Variants in SEC63 observed in about 807,000 individuals in gnomAD.
The protein encoded by SEC63 is translocation protein SEC63 homolog.
In SEC63, 56 loss-of-function variants were observed where a neutral mutation model predicts 116.2. The observed-to-expected ratio is 0.48, with a 90% confidence interval of 0.39 to 0.60. SEC63 has a LOEUF of 0.60. SEC63 is among the 20% of genes least tolerant of loss of function. SEC63 has a pLI of 0.00. For synonymous variants in SEC63, 273 were observed against 294.6 expected (o/e 0.93, Z 0.75); for missense variants, 668 against 900.0 (o/e 0.74, Z 3.30).
chr6:107,882,867 C>T (rs1786442838), intron 17 of SEC63, 121 bp downstream of exon 17: 2 of 647,210 alleles, frequency 3.1e-6, no homozygotes, highest in Non-Finnish European at 5.4e-6. Flanking sequence ...ATAAAATATA[C>T]AGATATTATT....
intron 1 of SEC63, among the ~76,000 whole-genome samples, chr6:107,943,131 C>T (rs1770412324): frequency 6.6e-6 from 1 of 152,194 alleles, no homozygotes; most frequent in African/African-American, 2.4e-5. Flanking sequence ...AGATGATTAG[C>T]GTCACACGAT....
In SEC63 at chr6:107,869,660, G is replaced by A. The variant is rs1304488238; in HGVS notation, c.*2044C>T. ...CTTTCACTACTGCCATATGGAAAGAGGTTACCTAAAGCACTCACTAGAGGA... is the reference window on the plus strand; with the variant it reads ...CTTTCACTACTGCCATATGGAAAGAAGTTACCTAAAGCACTCACTAGAGGA... On this transcript the variant is annotated 3_prime_UTR_variant, in exon 21 of 21. Transcript: ENST00000369002. 1 of 152,108 alleles carries A rather than the reference G, an allele frequency of 6.6e-6. No homozygotes were observed. Among genetic ancestry groups the A allele is most frequent in the Non-Finnish European group, 1.5e-5 (1 of 68,014 alleles). The allele number at this position is 152,108 out of a possible 1,614,324, so 9.4% of individuals were successfully genotyped here.
At chr6:107,926,945 A>G (rs894842190) in intron 2 of SEC63, among the ~76,000 whole-genome samples, 1 of 152,218 alleles carries the variant, frequency 6.6e-6, no homozygotes, top group East Asian at 1.9e-4. Flanking sequence ...AAGCAAAGAT[A>G]GAAACATAAC....
At position 107,871,766 on chromosome 6, in the gene SEC63, C is replaced by T. The variant is rs1363662689; in HGVS notation, c.2221G>A (p.Asp741Asn). 1.2e-6 allele frequency: 2 copies of T among 1,613,748 alleles called. No homozygotes were observed. The highest frequency in any genetic ancestry group is 1.7e-5 in the Admixed American group (1 of 60,018). Reference protein sequence around the residue: ...TAIEGDEDQEDSEGFEDSFEE... With the variant: ...TAIEGDEDQENSEGFEDSFEE... Reference sequence around the variant, plus strand: ...AAGCTATCTTCAAAGCCCTCACTGTCCTCCTGGTCTTCATCCCCCTCTATT... The same window carrying T: ...AAGCTATCTTCAAAGCCCTCACTGTTCTCCTGGTCTTCATCCCCCTCTATT... Residue 741 changes from aspartate (D) to asparagine (N), a missense_variant, in exon 21 of 21, where the codon GAC becomes AAC. By Grantham distance (23) the Asp-to-Asn change is conservative (BLOSUM62 1). Transcript: ENST00000369002.
At chr6:107,884,883 A>T (rs1786493304) in intron 16 of SEC63, among the ~76,000 whole-genome samples, 1 of 151,884 alleles carries the variant, frequency 6.6e-6, no homozygotes, top group African/African-American at 2.4e-5. Flanking sequence ...GATGGTTTCA[A>T]ATTTTTTAAA....
At chr6:107,935,572 T>G (rs558626090) in intron 1 of SEC63, among the ~76,000 whole-genome samples, 1 of 134,662 alleles carries the variant, frequency 7.4e-6, no homozygotes, top group South Asian at 2.6e-4. Flanking sequence ...TGTGCTTTGT[T>G]AAACAGATGC....
intron 16 of SEC63, among the ~76,000 whole-genome samples, chr6:107,893,162 AACT>A (rs1226399622): frequency 3.3e-5 from 5 of 151,706 alleles, no homozygotes; most frequent in Non-Finnish European, 5.9e-5. Flanking sequence ...ACACAGAATG[AACT>A]ACTGCTACAA....
chr6:107,887,017 G>C (rs1235328419), intron 16 of SEC63, among the ~76,000 whole-genome samples: 1 of 152,132 alleles, frequency 6.6e-6, no homozygotes, highest in Non-Finnish European at 1.5e-5. Flanking sequence ...ATGGTTTTAA[G>C]TCTTAAGTCT....
At chr6:107,897,767 A>G in intron 13 of SEC63, 36 bp from the exon 14 acceptor site, 2 of 1,419,006 alleles carry the variant, frequency 1.4e-6, no homozygotes, top group Non-Finnish European at 2.0e-6. Context: ...GCAAAAAATA[A>G]AAATCAAGTT....
intron 16 of SEC63, among the ~76,000 whole-genome samples, chr6:107,887,504 A>C (rs1786559454): frequency 6.7e-6 from 1 of 148,892 alleles, no homozygotes; most frequent in African/African-American, 2.5e-5. Context: ...AAGAACAAAA[A>C]ACCAAACACC....
At chr6:107,900,189 AG>A (rs1252431076) in intron 13 of SEC63, among the ~76,000 whole-genome samples, 2 of 151,978 alleles carry the variant, frequency 1.3e-5, no homozygotes, top group Non-Finnish European at 2.9e-5. Context: ...TTATAAAGAC[AG>A]GGTCTCACTA....
Position 107,870,258 on chromosome 6 carries a change from C to A in SEC63, c.*1446G>T, listed in dbSNP as rs944275216. 2 of 152,692 alleles carry A rather than the reference C, an allele frequency of 1.3e-5. No individual in the cohort carries two copies. Among genetic ancestry groups the A allele is most frequent in the Non-Finnish European group, 2.9e-5 (2 of 68,016 alleles). The allele number at this position is 152,692 out of a possible 1,614,324, so 9.5% of individuals were successfully genotyped here. ...TTATAGAGAAAGAAACTGCTTTCAC[C>A]CTTTTATAGGAAATATTACATCTTA... On this transcript the variant is annotated 3_prime_UTR_variant, in exon 21 of 21. Coordinates refer to ENST00000369002, the MANE Select transcript of SEC63 (RefSeq NM_007214.5).
chr6:107,944,714 A>AAAAATC (rs1286820517), intron 1 of SEC63, among the ~76,000 whole-genome samples: 1 of 151,594 alleles, frequency 6.6e-6, no homozygotes, highest in African/African-American at 2.4e-5. Context: ...AAATAAAAAT[A>AAAAATC]AAAATAAAGA....
At chr6:107,874,283 C>T (rs1186776598) in intron 19 of SEC63, among the ~76,000 whole-genome samples, 2 of 151,850 alleles carry the variant, frequency 1.3e-5, no homozygotes, top group Non-Finnish European at 2.9e-5. Flanking sequence ...AAAATGTCAG[C>T]GGCATGCAAA....
chr6:107,938,850 C>T (rs1348300718), intron 1 of SEC63, among the ~76,000 whole-genome samples: 2 of 152,176 alleles, frequency 1.3e-5, no homozygotes, highest in Non-Finnish European at 2.9e-5. Flanking sequence ...CCACCGCCCA[C>T]GCCCAGCTAG....
At chr6:107,934,428 TGA>T (rs551882864) in intron 1 of SEC63, among the ~76,000 whole-genome samples, 51 of 143,590 alleles carry the variant, frequency 3.6e-4, no homozygotes, top group African/African-American at 1.3e-3. Context: ...GTCTGGGATG[TGA>T]GAGTGCCCGG....
intron 3 of SEC63, among the ~76,000 whole-genome samples, chr6:107,924,497 C>T (rs1298858783): frequency 3.3e-5 from 5 of 151,104 alleles, no homozygotes; most frequent in Admixed American, 1.3e-4. Flanking sequence ...ACCCAGGAGG[C>T]GGAGCTTGCA....
intron 4 of SEC63, among the ~76,000 whole-genome samples, chr6:107,919,451 A>G (rs1371152535): frequency 6.6e-6 from 1 of 152,226 alleles, no homozygotes; most frequent in Non-Finnish European, 1.5e-5. Context: ...TGTTGAAATC[A>G]CAATAAAGGA....
At chr6:107,943,566 G>C (rs925984653) in intron 1 of SEC63, among the ~76,000 whole-genome samples, 2 of 152,174 alleles carry the variant, frequency 1.3e-5, no homozygotes, top group African/African-American at 4.8e-5. Context: ...CCATGTTGTT[G>C]AAGGGTTCTT....
Sources: gnomAD v4.1 joint callset for allele counts (sites outside exome capture counted in the v4.1 genomes callset) on GRCh38, gnomAD v4.1.1 for gene constraint, MANE v1.5 for transcripts, NCBI Gene and HGNC (gene_info 2026-07-23, HGNC 2026-07-21) for gene names.